The following SAE1 variants were observed in gnomAD, a reference collection of about 807,000 sequenced individuals.
SAE1 encodes SUMO1 activating enzyme subunit 1.
A neutral mutation model predicts 40.6 loss-of-function variants in SAE1; 11 were observed. The ratio of observed to expected loss-of-function variants is 0.27; its 90% CI spans 0.17 to 0.45. The LOEUF (loss-of-function observed/expected upper bound fraction) is 0.45. Among genes scored for constraint, SAE1 ranks in the 20% least tolerant of loss-of-function variants. SAE1 has a pLI of 1.00. For synonymous variants in SAE1, 155 were observed against 154.3 expected (o/e 1.00, Z -0.03); for missense variants, 373 against 427.3 (o/e 0.87, Z 1.12).
At chr19:47,151,859 G>T (rs530784847) in intron 3 of SAE1, among the ~76,000 whole-genome samples, 1 of 152,234 alleles carries the variant, frequency 6.6e-6, no homozygotes, top group Non-Finnish European at 1.5e-5. Context: ...TGTGTAATGC[G>T]TGTGCATGGG....
intron 5 of SAE1, among the ~76,000 whole-genome samples, chr19:47,159,696 AATT>A (rs766184467): frequency 3.9e-5 from 6 of 152,008 alleles, no homozygotes; most frequent in South Asian, 2.1e-4. Flanking sequence ...AATTTTTAAA[AATT>A]ATTATTATTT....
chr19:47,167,887 T>TAGTTCTAAGTTCTAAGGGTAGC (rs1301695125), intron 5 of SAE1, among the ~76,000 whole-genome samples: 1 of 152,206 alleles, frequency 6.6e-6, no homozygotes, highest in African/African-American at 2.4e-5. Context: ...TAAGGGTAGC[T>TAGTTCTAAGTTCTAAGGGTAGC]AGTTCTAAGA....
chr19:47,203,683 C>T lies in SAE1; in HGVS notation c.891C>T (p.Ser297=), dbSNP rs767276345. 6.2e-6 allele frequency: 10 copies of T among 1,613,884 alleles called. No individual in the cohort carries two copies. Among genetic ancestry groups the T allele is most frequent in the Admixed American group, 3.3e-5 (2 of 59,984 alleles). Residue 297 remains serine (S), a synonymous_variant, in exon 8 of 9, where the codon TCC becomes TCT. Coordinates refer to ENST00000270225, the MANE Select transcript of SAE1 (RefSeq NM_005500.3). The stretch of plus-strand genomic sequence containing the variant: ...TCCTCTCTTTTAGGTACTGCTTCTC[C>T]GAGATGGCCCCAGTGTGTGCGGTGG... ...LPEDFVRYCF[S]EMAPVCAVVG...
At chr19:47,145,450 A>G (rs145276905) in intron 2 of SAE1, among the ~76,000 whole-genome samples, 10 of 152,274 alleles carry the variant, frequency 6.6e-5, no homozygotes, top group Admixed American at 2.6e-4. Context: ...CCCTGCTGAC[A>G]TAATGCTGTT....
chr19:47,194,771 A>G (rs564852204), intron 6 of SAE1, among the ~76,000 whole-genome samples: 36 of 127,260 alleles, frequency 2.8e-4, no homozygotes, highest in Non-Finnish European at 5.2e-4. Flanking sequence ...TTTTTTTGAG[A>G]TGGAGTTACG....
intron 6 of SAE1, among the ~76,000 whole-genome samples, chr19:47,192,607 AT>A (rs1276098013): frequency 1.3e-5 from 2 of 151,906 alleles, no homozygotes; most frequent in African/African-American, 4.8e-5. Flanking sequence ...CAGCGGTGTG[AT>A]TTCGGCTCAC....
At chr19:47,197,091 G>T in intron 6 of SAE1, 142 bp from the exon 7 acceptor site, 1 of 732,010 alleles carries the variant, frequency 1.4e-6, no homozygotes, top group Non-Finnish European at 2.2e-6. Context: ...TGAGGCAGAA[G>T]AATCACTTGA....
chr19:47,170,282 T>A (rs974546085), intron 6 of SAE1, among the ~76,000 whole-genome samples: 8 of 151,208 alleles, frequency 5.3e-5, no homozygotes, highest in Non-Finnish European at 8.8e-5. Context: ...GGGTGCAATC[T>A]TGGCTCACTG....
intron 1 of SAE1, among the ~76,000 whole-genome samples, chr19:47,141,605 G>T (rs775799410): frequency 3.3e-5 from 5 of 152,060 alleles, no homozygotes; most frequent in Non-Finnish European, 7.4e-5. Context: ...TGATAAAAAA[G>T]CCTTTTTTTG....
At chr19:47,149,651 T>G (rs910334535) in intron 2 of SAE1, among the ~76,000 whole-genome samples, 1 of 152,190 alleles carries the variant, frequency 6.6e-6, no homozygotes, top group African/African-American at 2.4e-5. Flanking sequence ...TGGATTTTTT[T>G]GTTGACAGTG....
chr19:47,158,440 A>G (rs1199527652), intron 5 of SAE1, among the ~76,000 whole-genome samples: 2 of 152,246 alleles, frequency 1.3e-5, no homozygotes. Flanking sequence ...TCTCGGGCAC[A>G]AGCCTCACAT....
At chr19:47,198,354 C>T (rs934416639) in intron 7 of SAE1, among the ~76,000 whole-genome samples, 2 of 152,054 alleles carry the variant, frequency 1.3e-5, no homozygotes, top group African/African-American at 4.8e-5. Context: ...TCAGGTGATC[C>T]GCCTACCTTG....
chr19:47,180,413 T>A (rs1320617181), intron 6 of SAE1: 4 of 367,916 alleles, frequency 1.1e-5, no homozygotes, highest in African/African-American at 6.4e-5. Flanking sequence ...CAAGGAATTA[T>A]GAAGATAACA....
chr19:47,173,038 T>TTTTCCCCA (rs1039740813), intron 6 of SAE1, among the ~76,000 whole-genome samples: 15 of 152,110 alleles, frequency 9.9e-5, no homozygotes, highest in African/African-American at 2.7e-4. Context: ...TTCTTTTTCT[T>TTTTCCCCA]TTTCCCCAGA....
intron 6 of SAE1, among the ~76,000 whole-genome samples, chr19:47,174,310 T>C (rs2058454639): frequency 6.6e-6 from 1 of 151,566 alleles, no homozygotes; most frequent in Admixed American, 6.6e-5. Flanking sequence ...TTTTTTTTTT[T>C]TTTTGGTGTG....
intron 7 of SAE1, among the ~76,000 whole-genome samples, chr19:47,199,993 T>C (rs1357848884): frequency 6.6e-6 from 1 of 151,730 alleles, no homozygotes; most frequent in Non-Finnish European, 1.5e-5. Flanking sequence ...TGCGATGGCA[T>C]GATCTTGGCT....
At chr19:47,195,098 A>G (rs1186713329) in intron 6 of SAE1, among the ~76,000 whole-genome samples, 2 of 144,478 alleles carry the variant, frequency 1.4e-5, no homozygotes, top group Non-Finnish European at 3.0e-5. Context: ...TCTGTTGCCC[A>G]GGCTGGAGTT....
intron 1 of SAE1, among the ~76,000 whole-genome samples, chr19:47,133,034 T>C (rs570943017): frequency 3.9e-5 from 6 of 152,154 alleles, no homozygotes; most frequent in Non-Finnish European, 7.3e-5. Flanking sequence ...GAAAGAGCCC[T>C]GTGGTCATCT....
At chr19:47,154,480 C>T (rs866045795) in intron 4 of SAE1, among the ~76,000 whole-genome samples, 763 of 51,452 alleles carry the variant, frequency 0.015, 9 homozygotes, top group African/African-American at 0.055. Context: ...TTAAGTTTGG[C>T]TTTTTTTTTT....
Sources: allele counts gnomAD v4.1 joint callset (sites outside exome capture counted in the v4.1 genomes callset), GRCh38; gene constraint gnomAD v4.1.1; transcripts MANE v1.5; gene names NCBI Gene and HGNC (gene_info 2026-07-23, HGNC 2026-07-21).